COL4A2: variants seen among roughly 807,000 people sequenced by gnomAD.
COL4A2 encodes the protein collagen type IV alpha 2 chain, also known as collagen alpha-2(IV) chain.
COL4A2 carries 99 observed loss-of-function variants against 200.2 expected under a neutral mutation model. The ratio of observed to expected loss-of-function variants is 0.49; its 90% CI spans 0.42 to 0.58. The LOEUF (loss-of-function observed/expected upper bound fraction) is 0.58, where lower values mean the gene tolerates loss of function less well. Ranked by LOEUF, COL4A2 falls within the 20% of genes least tolerant of loss-of-function variation. COL4A2 has a pLI of 0.00. For missense variants in COL4A2, 1,950 were observed against 2,314.1 expected (o/e 0.84, Z 3.23); for synonymous variants, 897 against 900.6 (o/e 1.00, Z 0.07).
chr13:110,427,224 A>G (rs2139456204), intron 6 of COL4A2, among the ~76,000 whole-genome samples: 1 of 152,326 alleles, frequency 6.6e-6, no homozygotes, highest in East Asian at 1.9e-4. Context: ...ATCTTAGCTC[A>G]CTGCAACCTC....
At chr13:110,333,387 T>C (rs1290595233) in intron 3 of COL4A2, among the ~76,000 whole-genome samples, 2 of 152,214 alleles carry the variant, frequency 1.3e-5, no homozygotes, top group Non-Finnish European at 2.9e-5. Flanking sequence ...CCAGCCTACT[T>C]CGTCCAAGCC....
intron 20 of COL4A2, among the ~76,000 whole-genome samples, chr13:110,451,351 T>A (rs1198243942): frequency 1.3e-5 from 2 of 152,286 alleles, no homozygotes; most frequent in East Asian, 3.9e-4. Context: ...TTTAAAAACA[T>A]TTTTACAATT....
intron 16 of COL4A2, among the ~76,000 whole-genome samples, chr13:110,442,496 C>T (rs1881166558): frequency 6.6e-6 from 1 of 152,200 alleles, no homozygotes; most frequent in Non-Finnish European, 1.5e-5. Context: ...TCCCCCTAGA[C>T]ACCAAAAGCC....
chr13:110,437,400 T>C (rs1381073017), intron 13 of COL4A2, among the ~76,000 whole-genome samples: 1 of 152,186 alleles, frequency 6.6e-6, no homozygotes, highest in Non-Finnish European at 1.5e-5. Context: ...GGGCTGGGAA[T>C]GGCCAACCCG....
chr13:110,358,393 G>A (rs924782254), intron 4 of COL4A2, among the ~76,000 whole-genome samples: 1 of 152,066 alleles, frequency 6.6e-6, no homozygotes, highest in African/African-American at 2.4e-5. Context: ...CCTGCTTCTG[G>A]ATTCTTCCTG....
At chr13:110,434,372 A>G (rs1378061330) in intron 11 of COL4A2, 29 bp from the exon 12 acceptor site, 1 of 1,600,024 alleles carries the variant, frequency 6.2e-7, no homozygotes, top group Non-Finnish European at 8.5e-7. Flanking sequence ...TGGCTTTTTA[A>G]AACTTACAGA....
chr13:110,450,443 C>T lies in COL4A2; in HGVS notation c.1328C>T (p.Pro443Leu). 2 of 1,613,884 alleles carry T rather than the reference C, an allele frequency of 1.2e-6. No individual in the cohort carries two copies. Among genetic ancestry groups the T allele is most frequent in the Non-Finnish European group, 1.7e-6 (2 of 1,179,954 alleles). ...GGACCCCCCGGGCTCCCTGGACCACCTGGACCTGATGGTGAGTGGAGGGAA... is the reference window on the plus strand; with the variant it reads ...GGACCCCCCGGGCTCCCTGGACCACTTGGACCTGATGGTGAGTGGAGGGAA... The part of the protein sequence containing the change: ...PPGPPGLPGP[P>L]GPDGFLFGLK... Residue 443 changes from proline (P) to leucine (L), a missense_variant, in exon 20 of 48, where the codon CCT becomes CTT. Around this residue, in one of 2 missense-constraint regions of COL4A2, gnomAD observed 565 missense variants for 593.5 expected, o/e 0.95. Transcript: ENST00000360467.
In COL4A2 at chr13:110,480,221, T is replaced by G; in HGVS notation, c.2589T>G (p.Gly863=). The G allele has an allele frequency of 6.3e-7, 1 of 1,597,388 alleles. No homozygotes were observed. The highest frequency in any genetic ancestry group is 1.1e-5 in the South Asian group (1 of 88,266). ...TTGATTTGCTCCTCTTCCTGACAGG[T>G]CTGCCTGGTGATAGAGGGGACCCTG... The part of the protein sequence containing the change: ...LGLPGIPGRE[G]LPGDRGDPGD... The change falls in exon 31 of 48, where the codon GGT becomes GGG. Residue 863 remains glycine, a splice_region_variant and synonymous_variant. Coordinates refer to ENST00000360467, the MANE Select transcript of COL4A2 (RefSeq NM_001846.4).
At chr13:110,398,102 CT>C (rs5806853) in intron 4 of COL4A2, among the ~76,000 whole-genome samples, 5 of 147,790 alleles carry the variant, frequency 3.4e-5, no homozygotes, top group African/African-American at 5.0e-5. Context: ...CAGATTTTTT[CT>C]TTTTTTTTTT....
chr13:110,355,385 G>GTGT (rs765771097), intron 3 of COL4A2, among the ~76,000 whole-genome samples: 4,814 of 81,418 alleles, frequency 0.059, 40 homozygotes, highest in South Asian at 0.11. Context: ...TCACCTGTGT[G>GTGT]GGGGGAGGGC....
intron 4 of COL4A2, among the ~76,000 whole-genome samples, chr13:110,412,798 C>T (rs1262772589): frequency 2.0e-5 from 3 of 152,182 alleles, no homozygotes; most frequent in Admixed American, 6.5e-5. Context: ...TTTTCTAGCG[C>T]GATCCCAGCA....
intron 4 of COL4A2, among the ~76,000 whole-genome samples, chr13:110,362,172 T>C (rs9559778): frequency 0.99 from 151,416 of 152,346 alleles, 75,254 homozygotes; most frequent in East Asian, 1. Context: ...CTCTAACCAC[T>C]TCTTCAGTTG....
At chr13:110,494,703 T>TAA (rs35053890) in intron 39 of COL4A2, among the ~76,000 whole-genome samples, 33 of 146,190 alleles carry the variant, frequency 2.3e-4, no homozygotes, top group South Asian at 6.5e-4. Context: ...GACTCCGTCT[T>TAA]AAAAAAAAAA....
intron 19 of COL4A2, 23 bp from the exon 20 acceptor site, chr13:110,450,282 A>G: frequency 6.2e-7 from 1 of 1,607,046 alleles, no homozygotes; most frequent in South Asian, 1.1e-5. Flanking sequence ...CTCACGCTGC[A>G]GGTGAATGCT....
rs182176497 is a variant in COL4A2, at chr13:110,323,629, G to A, written c.99+15506G>A. Among the ~76,000 whole-genome samples the A allele has an allele frequency of 5.1e-4, 77 of 152,322 alleles. 1 individual carries two copies. The highest frequency in any genetic ancestry group is 8.8e-4 in the Non-Finnish European group (60 of 68,030). On this transcript the variant is annotated intron_variant, in intron 3 of 47. Coordinates refer to ENST00000360467, the MANE Select transcript of COL4A2 (RefSeq NM_001846.4). ...GCAGTATTGCATACAATAAGGGCAG[G>A]TGGAGTTGAAGTCAGAAAATTCCAA...
chr13:110,463,472 TCTC>T (rs1882114573), intron 24 of COL4A2, among the ~76,000 whole-genome samples: 1 of 152,200 alleles, frequency 6.6e-6, no homozygotes, highest in Admixed American at 6.5e-5. Flanking sequence ...TAATCCTCTT[TCTC>T]CTCCTCAGAG....
chr13:110,438,788 C>G, intron 15 of COL4A2, 120 bp downstream of exon 15: 2 of 1,099,146 alleles, frequency 1.8e-6, no homozygotes, highest in Non-Finnish European at 2.7e-6. Context: ...AGAGATTTCC[C>G]GTTATTACTC....
chr13:110,311,213 A>T (rs1884972410), intron 3 of COL4A2, among the ~76,000 whole-genome samples: 1 of 152,186 alleles, frequency 6.6e-6, no homozygotes, highest in South Asian at 2.1e-4. Context: ...CAAAGGGAGG[A>T]AAGGAAGCCG....
At chr13:110,311,240 C>A (rs1884973312) in intron 3 of COL4A2, among the ~76,000 whole-genome samples, 1 of 152,210 alleles carries the variant, frequency 6.6e-6, no homozygotes, top group African/African-American at 2.4e-5. Flanking sequence ...CACGGGGCAG[C>A]CTGGGCTCTA....
Sources: gnomAD v4.1 joint callset for allele counts (sites outside exome capture counted in the v4.1 genomes callset) on GRCh38, gnomAD v4.1.1 for gene constraint, gnomAD v4.1.1 regional missense constraint, MANE v1.5 for transcripts, NCBI Gene and HGNC (gene_info 2026-07-23, HGNC 2026-07-21) for gene names.